The following TPP2 variants were observed in gnomAD, a reference collection of about 807,000 sequenced individuals.
TPP2 encodes the protein tripeptidyl-peptidase 2.
A neutral mutation model predicts 155.9 loss-of-function variants in TPP2; 34 were observed. That is an observed-to-expected ratio of 0.22 (90% CI 0.17 to 0.29). The LOEUF (loss-of-function observed/expected upper bound fraction) is 0.29. Among genes scored for constraint, TPP2 ranks in the 10% least tolerant of loss-of-function variants. The pLI, the probability that TPP2 is intolerant of heterozygous loss-of-function variation, is 1.00. For missense variants in TPP2, 1,028 were observed against 1,522.3 expected (o/e 0.68, Z 5.40); for synonymous variants, 510 against 529.4 (o/e 0.96, Z 0.50).
intron 6 of TPP2, among the ~76,000 whole-genome samples, chr13:102,624,730 T>G (rs1412626538): frequency 6.6e-6 from 1 of 152,204 alleles, no homozygotes; most frequent in Non-Finnish European, 1.5e-5. Flanking sequence ...TTTATCCAGC[T>G]TCCCATTGAT....
intron 15 of TPP2, among the ~76,000 whole-genome samples, chr13:102,640,022 G>GT (rs1882648673): frequency 6.6e-6 from 1 of 152,196 alleles, no homozygotes; most frequent in African/African-American, 2.4e-5. Context: ...TTAATAGTGT[G>GT]TGTGAATGTA....
intron 27 of TPP2, 147 bp downstream of exon 27, chr13:102,665,072 C>T: frequency 9.7e-7 from 1 of 1,030,170 alleles, no homozygotes; most frequent in East Asian, 2.8e-5. Context: ...ATACTCCCCT[C>T]CTTAGAAATT....
chr13:102,629,410 A>G, intron 8 of TPP2, 72 bp from the exon 9 acceptor site: 1 of 1,376,164 alleles, frequency 7.3e-7, no homozygotes, highest in Non-Finnish European at 9.4e-7. Context: ...ATATTTAAAC[A>G]AGGTTTTGGT....
intron 6 of TPP2, among the ~76,000 whole-genome samples, chr13:102,624,989 A>G (rs1881476607): frequency 6.7e-6 from 1 of 148,532 alleles, no homozygotes; most frequent in African/African-American, 2.5e-5. Context: ...CCTCCTGGGT[A>G]GCTGGGATTA....
At chr13:102,628,475 C>A (rs1388482606) in intron 8 of TPP2, among the ~76,000 whole-genome samples, 1 of 152,090 alleles carries the variant, frequency 6.6e-6, no homozygotes, top group African/African-American at 2.4e-5. Context: ...CTGTTGGTTG[C>A]GTATGTTCAC....
chr13:102,604,631 C>T (rs1879679877), intron 1 of TPP2, among the ~76,000 whole-genome samples, 162 bp from the exon 2 acceptor site: 1 of 152,176 alleles, frequency 6.6e-6, no homozygotes, highest in Non-Finnish European at 1.5e-5. Flanking sequence ...ATTAAATTTT[C>T]TTACTAGTAT....
chr13:102,598,897 A>G (rs555411267), intron 1 of TPP2, among the ~76,000 whole-genome samples: 5 of 152,378 alleles, frequency 3.3e-5, no homozygotes, highest in African/African-American at 1.2e-4. Context: ...TTAAATGCTC[A>G]AGAAAAATAT....
chr13:102,663,942 G>A (rs954180974), intron 26 of TPP2, among the ~76,000 whole-genome samples, 198 bp downstream of exon 26: 1 of 152,166 alleles, frequency 6.6e-6, no homozygotes, highest in African/African-American at 2.4e-5. Context: ...TAGGATTCTT[G>A]CTCATGCTTG....
At chr13:102,619,888 A>G (rs1052285311) in intron 5 of TPP2, among the ~76,000 whole-genome samples, 3 of 152,202 alleles carry the variant, frequency 2.0e-5, no homozygotes, top group Non-Finnish European at 2.9e-5. Context: ...TACATCCACC[A>G]TCTGGGGTAA....
At chr13:102,620,945 C>T (rs931771544) in intron 5 of TPP2, among the ~76,000 whole-genome samples, 1 of 151,818 alleles carries the variant, frequency 6.6e-6, no homozygotes, top group Non-Finnish European at 1.5e-5. Context: ...GTGAAAATGT[C>T]GAGAAATACA....
chr13:102,652,101 C>T (rs574954212), intron 24 of TPP2, among the ~76,000 whole-genome samples: 3 of 152,182 alleles, frequency 2.0e-5, no homozygotes, highest in East Asian at 1.9e-4. Context: ...TAGGGCCAGG[C>T]GCAGTGACTC....
rs141951561 is a variant in TPP2 at position 102,618,446 on chromosome 13, G to A, written c.496-276G>A. Among the ~76,000 whole-genome samples the A allele has an allele frequency of 1.1e-3, 160 of 152,322 alleles. 1 individual carries two copies. The highest frequency in any genetic ancestry group is 3.4e-3 in the African/African-American group (141 of 41,588). On this transcript the variant is annotated intron_variant, in intron 4 of 29. Coordinates refer to ENST00000376052, the MANE Select transcript of TPP2 (RefSeq NM_001330588.2). ...CTTGGCTAAATGGAATCACCAACGT[G>A]TAGCACAGTGTATTTCCCAAAGCAG...
chr13:102,675,810 C>T (rs974040820), intron 28 of TPP2, among the ~76,000 whole-genome samples: 1 of 152,144 alleles, frequency 6.6e-6, no homozygotes, highest in Non-Finnish European at 1.5e-5. Context: ...TGAGTACATT[C>T]TCCACATTCC....
chr13:102,663,193 G>T (rs370758494), intron 25 of TPP2, among the ~76,000 whole-genome samples: 1 of 151,916 alleles, frequency 6.6e-6, no homozygotes, highest in East Asian at 1.9e-4. Flanking sequence ...CTGTCACCCG[G>T]CTGGAGTGCA....
chr13:102,660,031 G>T (rs1460949107), intron 25 of TPP2, among the ~76,000 whole-genome samples: 2 of 151,350 alleles, frequency 1.3e-5, no homozygotes, highest in Non-Finnish European at 3.0e-5. Flanking sequence ...TACAGTAATA[G>T]ATACAACAGA....
At chr13:102,620,527 G>C (rs1174097619) in intron 5 of TPP2, among the ~76,000 whole-genome samples, 1 of 152,182 alleles carries the variant, frequency 6.6e-6, no homozygotes, top group African/African-American at 2.4e-5. Flanking sequence ...CCTGTCTGCA[G>C]ATGTTCTCAT....
At chr13:102,666,705 C>T (rs1884616742) in intron 27 of TPP2, among the ~76,000 whole-genome samples, 1 of 148,886 alleles carries the variant, frequency 6.7e-6, no homozygotes, top group South Asian at 2.1e-4. Context: ...TTACAGTGAG[C>T]CATAAACTAA....
chr13:102,674,658 T>A (rs972996904), intron 28 of TPP2, among the ~76,000 whole-genome samples, 168 bp downstream of exon 28: 6 of 152,198 alleles, frequency 3.9e-5, no homozygotes, highest in South Asian at 2.1e-4. Flanking sequence ...CACCTTTTTT[T>A]AAAAAACATT....
At chr13:102,665,383 A>G (rs1175338143) in intron 27 of TPP2, among the ~76,000 whole-genome samples, 1 of 152,222 alleles carries the variant, frequency 6.6e-6, no homozygotes, top group Non-Finnish European at 1.5e-5. Context: ...TTAGGTTAAA[A>G]CTATCTGGCA....
Sources: gnomAD v4.1 joint callset for allele counts (sites outside exome capture counted in the v4.1 genomes callset) on GRCh38, gnomAD v4.1.1 for gene constraint, MANE v1.5 for transcripts, NCBI Gene and HGNC (gene_info 2026-07-23, HGNC 2026-07-21) for gene names.